CRACDL: variants seen among roughly 807,000 people sequenced by gnomAD.
CRACDL encodes the protein CRACD like.
Under a neutral mutation model 70.6 loss-of-function variants are expected in CRACDL, and 26 were observed. The observed-to-expected ratio is 0.37, with a 90% confidence interval of 0.27 to 0.51. CRACDL has a LOEUF of 0.51. Ranked by LOEUF, CRACDL falls within the 20% of genes least tolerant of loss-of-function variation. The pLI, the probability that CRACDL is intolerant of heterozygous loss-of-function variation, is 0.94. For synonymous variants in CRACDL, 618 were observed against 615.2 expected, an observed-to-expected ratio of 1.00 and a Z score of -0.07; for missense variants, 1,283 against 1,376.9, an observed-to-expected ratio of 0.93 and a Z score of 1.08.
chr2:98,847,144 AG>A lies in CRACDL; in HGVS notation c.-10-335del, dbSNP rs577530536. ...ATGATTTTTTTCTCTTGTTTACTAC[AG>A]GAAGTTTGGAAAATAGAATGAAAAT... On this transcript the variant is annotated intron_variant, in intron 1 of 9. Coordinates refer to ENST00000397899, the MANE Select transcript of CRACDL (RefSeq NM_207362.3). Among the ~76,000 whole-genome samples the A allele has an allele frequency of 4.4e-4, 67 of 152,370 alleles. 1 individual carries two copies. In the South Asian group the frequency reaches 0.013, roughly 31 times the overall value.
intron 9 of CRACDL, 63 bp from the exon 10 acceptor site, chr2:98,794,734 C>T: frequency 1.4e-6 from 2 of 1,472,680 alleles, no homozygotes; most frequent in Middle Eastern, 1.9e-4. Flanking sequence ...TTCCCTTAAG[C>T]CTCTTGTGTT....
At chr2:98,902,988 C>T (rs949290637) in intron 1 of CRACDL, among the ~76,000 whole-genome samples, 1 of 152,104 alleles carries the variant, frequency 6.6e-6, no homozygotes, top group East Asian at 1.9e-4. Context: ...AACACCCTTC[C>T]CCTTGGGGTG....
At chr2:98,885,606 CA>C (rs1337535080) in intron 1 of CRACDL, among the ~76,000 whole-genome samples, 1 of 151,978 alleles carries the variant, frequency 6.6e-6, no homozygotes, top group African/African-American at 2.4e-5. Context: ...ATAGAAAATG[CA>C]GATGAAAATA....
Position 98,926,453 on chromosome 2 carries a change from G to A in CRACDL, c.-11+9485C>T, listed in dbSNP as rs116530122. On this transcript the variant is annotated intron_variant, in intron 1 of 9. Transcript: ENST00000397899. ...GGGGAGCATCAGGCCATTTTGAACA[G>A]TCCATCTCTGAAGGGGTGACATTTA... Among the ~76,000 whole-genome samples the A allele has an allele frequency of 6.2e-3, 945 of 152,292 alleles. 13 individuals are homozygous for A. Among genetic ancestry groups the A allele is most frequent in the African/African-American group, 0.022 (917 of 41,552 alleles).
At position 98,838,262 on chromosome 2, in the gene CRACDL, A is replaced by T. The variant is rs766801072; in HGVS notation, c.96T>A (p.Thr32=). 6 of 1,606,202 alleles carry T rather than the reference A, an allele frequency of 3.7e-6. No individual in the cohort carries two copies. The highest frequency in any genetic ancestry group is 1.3e-5 in the African/African-American group (1 of 74,636). The change falls in exon 3 of 10, where the codon ACT becomes ACA. Residue 32 remains threonine, a synonymous_variant. Transcript: ENST00000397899. ...STGKKKSKFK[T]FKKFFGKKKR... ...TCTTCTTCCCAAAAAACTTCTTAAAAGTTTTGAATTTAGATTTTTTCTTTC... is the reference window on the plus strand; with the variant it reads ...TCTTCTTCCCAAAAAACTTCTTAAATGTTTTGAATTTAGATTTTTTCTTTC...
At chr2:98,804,041 T>C (rs1405087249) in intron 7 of CRACDL, among the ~76,000 whole-genome samples, 1 of 152,172 alleles carries the variant, frequency 6.6e-6, no homozygotes, top group Admixed American at 6.5e-5. Context: ...CTGTTGTCAG[T>C]CTTGACTCAC....
intron 1 of CRACDL, among the ~76,000 whole-genome samples, chr2:98,920,766 T>G (rs1708784066): frequency 6.6e-6 from 1 of 152,162 alleles, no homozygotes; most frequent in South Asian, 2.1e-4. Flanking sequence ...CTTATTTTAA[T>G]CTACTTTGTG....
chr2:98,893,383 A>T (rs1028616190), intron 1 of CRACDL, among the ~76,000 whole-genome samples: 5 of 152,096 alleles, frequency 3.3e-5, no homozygotes, highest in African/African-American at 1.2e-4. Flanking sequence ...TCCTGGGTTC[A>T]CGCCATTCTC....
chr2:98,832,269 C>A, intron 5 of CRACDL, 79 bp downstream of exon 5: 2 of 1,501,252 alleles, frequency 1.3e-6, no homozygotes, highest in Admixed American at 3.3e-5. Context: ...CTTAGGGGCA[C>A]ACACAGGGGA....
intron 1 of CRACDL, among the ~76,000 whole-genome samples, chr2:98,910,808 T>C (rs1708529589): frequency 6.6e-6 from 1 of 152,176 alleles, no homozygotes; most frequent in Non-Finnish European, 1.5e-5. Context: ...GCCCATTTCC[T>C]TTTCTGCAAA....
intron 7 of CRACDL, among the ~76,000 whole-genome samples, chr2:98,813,069 C>T (rs1440501385): frequency 1.3e-5 from 2 of 151,972 alleles, no homozygotes; most frequent in Admixed American, 1.3e-4. Context: ...CATACTTTTG[C>T]CTATGAATAT....
At chr2:98,832,194 A>G (rs1310651776) in intron 5 of CRACDL, among the ~76,000 whole-genome samples, 154 bp downstream of exon 5, 1 of 152,134 alleles carries the variant, frequency 6.6e-6, no homozygotes, top group Non-Finnish European at 1.5e-5. Context: ...GAAAATAAAC[A>G]CAGCTCAAGG....
intron 3 of CRACDL, among the ~76,000 whole-genome samples, chr2:98,837,017 G>T (rs979449269): frequency 2.6e-5 from 4 of 151,032 alleles, no homozygotes; most frequent in South Asian, 2.1e-4. Context: ...CCCGGGAGGC[G>T]CAGCTTGCAG....
chr2:98,914,638 C>T (rs566267890), intron 1 of CRACDL, among the ~76,000 whole-genome samples: 3 of 152,316 alleles, frequency 2.0e-5, no homozygotes, highest in East Asian at 3.9e-4. Context: ...CACCAGCCTT[C>T]GCCTGCTTCT....
At chr2:98,836,737 A>G (rs1705799497) in intron 3 of CRACDL, among the ~76,000 whole-genome samples, 1 of 152,056 alleles carries the variant, frequency 6.6e-6, no homozygotes, top group Admixed American at 6.6e-5. Flanking sequence ...ATAATTAGTA[A>G]TATTATCGCG....
At position 98,823,598 on chromosome 2, in the gene CRACDL, T is replaced by C; in HGVS notation, c.736-61A>G. ...AGCCAATTCCAGGAAGCCTGTCACC[T>C]CCCCACTTTTTTCAAGGCTTATAAT... On this transcript the variant is annotated intron_variant, in intron 6 of 9. Transcript: ENST00000397899. This position sits in a 1 kb window ranked among gnomAD's most constrained non-coding sequence, Gnocchi z 4.0. 6.5e-7 allele frequency: 1 copy of C among 1,532,368 alleles called. No individual in the cohort carries two copies. 94.9% of individuals were successfully genotyped at this position (1,532,368 alleles called of 1,614,324 possible).
At chr2:98,919,294 T>A (rs1708741559) in intron 1 of CRACDL, among the ~76,000 whole-genome samples, 1 of 152,248 alleles carries the variant, frequency 6.6e-6, no homozygotes, top group South Asian at 2.1e-4. Context: ...TGCTTAAGAC[T>A]GCCTTGGCTC....
rs1430489027 is a variant in CRACDL, at chr2:98,823,480, C to G, written c.793G>C (p.Glu265Gln). The G allele has an allele frequency of 6.3e-7, 1 of 1,594,582 alleles. No homozygotes were observed. Among genetic ancestry groups the G allele is most frequent in the African/African-American group, 1.3e-5 (1 of 74,782 alleles). ...CTGACTTCCAAAAGTGGCTTCTCCT[C>G]GTTTTCCTCCTCCTCTGGGGTGCAC... is the stretch of plus-strand genomic sequence containing the variant. ...LTCTPEEEEN[E>Q]EKPLLEVSPE... The change falls in exon 7 of 10, where the codon GAG becomes CAG. Residue 265 changes from glutamate to glutamine, a missense_variant. Transcript: ENST00000397899. This position sits in a 1 kb window ranked among gnomAD's most constrained non-coding sequence, Gnocchi z 4.0.
Position 98,820,639 on chromosome 2 carries a change from T to C in CRACDL, c.2416+1218A>G, listed in dbSNP as rs547376749. Among the ~76,000 whole-genome samples the C allele has an allele frequency of 2.0e-5, 3 of 152,338 alleles. No homozygotes were observed. In the South Asian group the frequency reaches 6.2e-4, roughly 32 times the overall value. ...AGATTTCTCATTTCATCTGAAACAC[T>C]ATAAGAAGTGACAAATGTCAAAGAC... On this transcript the variant is annotated intron_variant, in intron 7 of 9. Coordinates refer to ENST00000397899, the MANE Select transcript of CRACDL (RefSeq NM_207362.3).
Sources: allele counts gnomAD v4.1 joint callset (sites outside exome capture counted in the v4.1 genomes callset), GRCh38; gene constraint gnomAD v4.1.1; non-coding constraint Gnocchi (gnomAD v3.1); transcripts MANE v1.5; gene names NCBI Gene and HGNC (gene_info 2026-07-23, HGNC 2026-07-21).